Variants in PTPRD observed in about 807,000 individuals in gnomAD.
PTPRD encodes the protein protein tyrosine phosphatase receptor type D, also known as receptor-type tyrosine-protein phosphatase delta.
Under a neutral mutation model 214.5 loss-of-function variants are expected in PTPRD, and 34 were observed. The observed-to-expected ratio is 0.16, with a 90% confidence interval of 0.12 to 0.21. PTPRD has a LOEUF of 0.21. Among genes scored for constraint, PTPRD ranks in the 10% least tolerant of loss-of-function variants. The probability of loss-of-function intolerance (pLI) is 1.00; values close to 1 mark genes in which losing one functional copy is unlikely to be tolerated. For missense variants in PTPRD, 2,545 were observed against 2,398.7 expected (o/e 1.06, Z -1.27); for synonymous variants, 1,128 against 845.7 (o/e 1.33, Z -5.79).
intron 39 of PTPRD, among the ~76,000 whole-genome samples, chr9:8,357,290 G>A (rs2077207457): frequency 6.6e-6 from 1 of 152,194 alleles, no homozygotes; most frequent in African/African-American, 2.4e-5. Flanking sequence ...ATTCTTTGAA[G>A]TTAAAGCTAT....
chr9:10,167,890 G>C (rs911891827), intron 3 of PTPRD, among the ~76,000 whole-genome samples: 1 of 152,138 alleles, frequency 6.6e-6, no homozygotes, highest in Admixed American at 6.5e-5. Flanking sequence ...CATACTGTGT[G>C]ATAGAAGAGA....
At chr9:9,415,994 G>A (rs746913460) in intron 8 of PTPRD, among the ~76,000 whole-genome samples, 1 of 152,158 alleles carries the variant, frequency 6.6e-6, no homozygotes, top group Non-Finnish European at 1.5e-5. Context: ...GGATAGGATA[G>A]ATGTAGGAAA....
At chr9:9,864,174 C>G (rs112666365) in intron 5 of PTPRD, among the ~76,000 whole-genome samples, 182 of 152,120 alleles carry the variant, frequency 1.2e-3, no homozygotes, top group African/African-American at 4.1e-3. Flanking sequence ...GGTGTGGTGG[C>G]GGGTGCCCGC....
chr9:9,410,741 C>T (rs1477237578), intron 8 of PTPRD, among the ~76,000 whole-genome samples: 1 of 152,078 alleles, frequency 6.6e-6, no homozygotes, highest in Non-Finnish European at 1.5e-5. Context: ...ACACACTTAC[C>T]CTAGGAGTTG....
intron 14 of PTPRD, among the ~76,000 whole-genome samples, chr9:8,594,976 C>T (rs549216141): frequency 1.3e-5 from 2 of 151,080 alleles, no homozygotes; most frequent in South Asian, 2.1e-4. Flanking sequence ...CATTCTCCTG[C>T]CTCAGACTCC....
intron 2 of PTPRD, among the ~76,000 whole-genome samples, chr9:10,560,194 G>T (rs1432754361): frequency 6.6e-6 from 1 of 152,188 alleles, no homozygotes; most frequent in Non-Finnish European, 1.5e-5. Context: ...TTAAGAAAAT[G>T]TGGCACATAT....
intron 3 of PTPRD, among the ~76,000 whole-genome samples, chr9:10,243,252 C>T (rs2091461977): frequency 6.6e-6 from 1 of 151,894 alleles, no homozygotes; most frequent in East Asian, 1.9e-4. Context: ...TGAATGGTTC[C>T]CACATTTATA....
At chr9:10,157,583 G>T (rs538344920) in intron 3 of PTPRD, among the ~76,000 whole-genome samples, 18 of 151,892 alleles carry the variant, frequency 1.2e-4, no homozygotes, top group African/African-American at 4.1e-4. Context: ...CTTTCATTTT[G>T]CCCTTGGGGA....
intron 11 of PTPRD, among the ~76,000 whole-genome samples, chr9:8,916,288 G>C (rs776624749): frequency 6.6e-6 from 1 of 152,066 alleles, no homozygotes; most frequent in Non-Finnish European, 1.5e-5. Context: ...GAGAGAGAGA[G>C]AAGTCCTAAA....
At chr9:10,212,829 C>T (rs1284019908) in intron 3 of PTPRD, among the ~76,000 whole-genome samples, 1 of 152,118 alleles carries the variant, frequency 6.6e-6, no homozygotes, top group Non-Finnish European at 1.5e-5. Context: ...CTTTTGTAAC[C>T]TACTCTTTCT....
intron 5 of PTPRD, among the ~76,000 whole-genome samples, chr9:9,861,819 A>G (rs1460668902): frequency 1.3e-5 from 2 of 152,156 alleles, no homozygotes; most frequent in Non-Finnish European, 2.9e-5. Context: ...AATTTTCACA[A>G]ATAATTACAT....
At chr9:8,775,941 G>A (rs1441020661) in intron 11 of PTPRD, among the ~76,000 whole-genome samples, 1 of 152,138 alleles carries the variant, frequency 6.6e-6, no homozygotes, top group Non-Finnish European at 1.5e-5. Flanking sequence ...TTTAGGCTGG[G>A]CCAGTCCTAA....
At chr9:8,508,154 C>T (rs757203966) in intron 21 of PTPRD, among the ~76,000 whole-genome samples, 1 of 152,172 alleles carries the variant, frequency 6.6e-6, no homozygotes, top group Non-Finnish European at 1.5e-5. Flanking sequence ...ATAGGATACA[C>T]TTATCAGAAA....
chr9:8,748,522 C>CAAAAAAAA (rs1239091825), intron 11 of PTPRD, among the ~76,000 whole-genome samples: 12 of 37,818 alleles, frequency 3.2e-4, no homozygotes, highest in Non-Finnish European at 4.9e-4. Flanking sequence ...CCTGCAACTG[C>CAAAAAAAA]AAAAAAAAAA....
At chr9:10,471,258 C>G (rs927644772) in intron 2 of PTPRD, among the ~76,000 whole-genome samples, 1 of 151,946 alleles carries the variant, frequency 6.6e-6, no homozygotes, top group Admixed American at 6.6e-5. Context: ...AATTAACCTG[C>G]ACGTTATGCA....
intron 2 of PTPRD, among the ~76,000 whole-genome samples, chr9:10,382,016 G>A (rs1363430258): frequency 6.6e-6 from 1 of 151,882 alleles, no homozygotes; most frequent in Non-Finnish European, 1.5e-5. Flanking sequence ...TAAGAAAACT[G>A]AACCTTTCTT....
In PTPRD at chr9:10,026,884, C is replaced by T. The variant is rs897263116; in HGVS notation, c.-472+6834G>A. Among the ~76,000 whole-genome samples the T allele has an allele frequency of 8.7e-5, 13 of 149,988 alleles. No homozygotes were observed. The South Asian group carries it at 1.1e-3, about 12-fold the overall frequency. ...GTGTCTTTCAAAAAAAAAAAAAAGA[C>T]GTGAGAAGGATATAAAATTGCAACA... On this transcript the variant is annotated intron_variant, in intron 4 of 45. Coordinates refer to ENST00000381196, the MANE Select transcript of PTPRD (RefSeq NM_002839.4).
At chr9:10,556,395 C>G (rs964135175) in intron 2 of PTPRD, among the ~76,000 whole-genome samples, 3 of 151,784 alleles carry the variant, frequency 2.0e-5, no homozygotes, top group Admixed American at 1.3e-4. Flanking sequence ...ATTATGAAAA[C>G]AGTGTTTTTC....
chr9:10,025,380 C>G (rs1000105405), intron 4 of PTPRD, among the ~76,000 whole-genome samples: 1 of 152,090 alleles, frequency 6.6e-6, no homozygotes, highest in African/African-American at 2.4e-5. Context: ...CCAATTTTGT[C>G]CAAATCCTTC....
Sources: gnomAD v4.1 joint callset for allele counts (sites outside exome capture counted in the v4.1 genomes callset) on GRCh38, gnomAD v4.1.1 for gene constraint, MANE v1.5 for transcripts, NCBI Gene and HGNC (gene_info 2026-07-23, HGNC 2026-07-21) for gene names.